HTR1F: variants seen among roughly 807,000 people sequenced by gnomAD.
The protein encoded by HTR1F is 5-hydroxytryptamine receptor 1F, also known as 5-hydroxytryptamine (serotonin) receptor 1F, G protein-coupled.
In HTR1F, 17 loss-of-function variants were observed where a neutral mutation model predicts 24.0. That is an observed-to-expected ratio of 0.71 (90% CI 0.48 to 1.06). The LOEUF (loss-of-function observed/expected upper bound fraction) is 1.06, where lower values mean the gene tolerates loss of function less well. Among genes scored for constraint, HTR1F ranks in the 50% least tolerant of loss-of-function variants. The pLI is 0.00. For missense variants in HTR1F, 391 were observed against 427.8 expected, an observed-to-expected ratio of 0.91 and a Z score of 0.76; for synonymous variants, 186 against 156.8, an observed-to-expected ratio of 1.19 and a Z score of -1.39.
At chr3:87,839,440 G>C (rs1205129175) in intron 2 of HTR1F, among the ~76,000 whole-genome samples, 1 of 152,056 alleles carries the variant, frequency 6.6e-6, no homozygotes, top group African/African-American at 2.4e-5. Flanking sequence ...CCAGTACCAT[G>C]CTGTTTTGAT....
At chr3:87,982,940 T>C (rs1705583060) in intron 2 of HTR1F, among the ~76,000 whole-genome samples, 1 of 148,606 alleles carries the variant, frequency 6.7e-6, no homozygotes, top group Non-Finnish European at 1.5e-5. Flanking sequence ...CTTGACTTGA[T>C]ACAATACATG....
chr3:87,811,580 A>G (rs1187676338), intron 1 of HTR1F, among the ~76,000 whole-genome samples: 1 of 152,196 alleles, frequency 6.6e-6, no homozygotes, highest in African/African-American at 2.4e-5. Context: ...TCCAAATGAA[A>G]GTGTTTTGAC....
intron 2 of HTR1F, among the ~76,000 whole-genome samples, chr3:87,895,841 A>G (rs1706185829): frequency 6.6e-6 from 1 of 152,180 alleles, no homozygotes; most frequent in Admixed American, 6.5e-5. Flanking sequence ...ATAACATTTG[A>G]TACAGGTAAG....
At chr3:87,941,701 G>A (rs976361675) in intron 2 of HTR1F, among the ~76,000 whole-genome samples, 5 of 152,136 alleles carry the variant, frequency 3.3e-5, no homozygotes, top group Non-Finnish European at 7.4e-5. Context: ...AGAATTGAGA[G>A]TCAGGATGTA....
At chr3:87,915,310 A>G (rs761624347) in intron 2 of HTR1F, among the ~76,000 whole-genome samples, 5 of 152,168 alleles carry the variant, frequency 3.3e-5, no homozygotes, top group African/African-American at 7.2e-5. Flanking sequence ...CACCCCCCAA[A>G]AAATCACACT....
intron 2 of HTR1F, among the ~76,000 whole-genome samples, chr3:87,831,715 T>C (rs1704584656): frequency 6.6e-6 from 1 of 152,140 alleles, no homozygotes; most frequent in African/African-American, 2.4e-5. Context: ...GTGCTATAGA[T>C]TATTATCCCA....
chr3:87,924,563 G>A (rs1190818216), intron 2 of HTR1F, among the ~76,000 whole-genome samples: 1 of 152,122 alleles, frequency 6.6e-6, no homozygotes, highest in Non-Finnish European at 1.5e-5. Flanking sequence ...GGCTGGCCTA[G>A]TGGTGACAAA....
chr3:87,909,101 A>G (rs1347690294), intron 2 of HTR1F, among the ~76,000 whole-genome samples: 1 of 151,974 alleles, frequency 6.6e-6, no homozygotes, highest in Non-Finnish European at 1.5e-5. Flanking sequence ...ATTCTAGCAA[A>G]TGAGATGTGA....
chr3:87,840,683 A>T (rs1704783591), intron 2 of HTR1F, among the ~76,000 whole-genome samples: 1 of 150,182 alleles, frequency 6.7e-6, no homozygotes, highest in African/African-American at 2.5e-5. Context: ...ATAGCTCAAT[A>T]TTGTTCATCA....
intron 2 of HTR1F, among the ~76,000 whole-genome samples, chr3:87,959,294 G>A (rs1037987876): frequency 6.6e-6 from 1 of 151,750 alleles, no homozygotes; most frequent in African/African-American, 2.4e-5. Context: ...TAATGAGACT[G>A]TGATGTATAA....
At chr3:87,871,412 G>T (rs893657490) in intron 2 of HTR1F, among the ~76,000 whole-genome samples, 1 of 151,928 alleles carries the variant, frequency 6.6e-6, no homozygotes, top group Admixed American at 6.6e-5. Flanking sequence ...GGACTTATGG[G>T]GTACTGTCAA....
chr3:87,927,150 A>T (rs1448740782), intron 2 of HTR1F, among the ~76,000 whole-genome samples: 1 of 152,154 alleles, frequency 6.6e-6, no homozygotes. Flanking sequence ...CCATGGTTAT[A>T]TGCCACAACT....
intron 2 of HTR1F, among the ~76,000 whole-genome samples, chr3:87,903,972 A>G (rs1251812051): frequency 6.6e-6 from 1 of 152,190 alleles, no homozygotes; most frequent in African/African-American, 2.4e-5. Flanking sequence ...TGGTTGCAAT[A>G]CATCTAGCTG....
rs750500923 is a variant in HTR1F, at chr3:87,991,497, T to C, written c.748T>C (p.Ser250Pro). The change falls in exon 3 of 3, where the codon TCT (serine) becomes CCT (proline). Residue 250 changes from serine to proline, a missense_variant. By Grantham distance (74) the Ser-to-Pro change is moderately conservative. Coordinates refer to ENST00000319595, the MANE Select transcript of HTR1F (RefSeq NM_001322209.2). ...TTCCACATCCTATGTACTAGAAAAG[T>C]CTTTATCTGACCCATCAACAGACTT... Reference protein sequence around the residue: ...SVSTSYVLEKSLSDPSTDFDK... With the variant: ...SVSTSYVLEKPLSDPSTDFDK... 3 of 1,613,946 alleles carry C rather than the reference T, an allele frequency of 1.9e-6. No individual in the cohort carries two copies. The East Asian group carries it at 6.7e-5, about 36-fold the overall frequency.
chr3:87,820,233 G>A (rs1370825394), intron 1 of HTR1F, among the ~76,000 whole-genome samples: 4 of 143,642 alleles, frequency 2.8e-5, no homozygotes, highest in Non-Finnish European at 6.0e-5. Context: ...CTGGAGTGCA[G>A]TGGCAGGATC....
chr3:87,912,859 A>G (rs576057418), intron 2 of HTR1F, among the ~76,000 whole-genome samples: 101 of 152,268 alleles, frequency 6.6e-4, no homozygotes, highest in Non-Finnish European at 1.1e-3. Flanking sequence ...TATTCAATAA[A>G]TTGTGCTGGA....
intron 2 of HTR1F, among the ~76,000 whole-genome samples, chr3:87,883,675 G>C (rs896929458): frequency 2.6e-5 from 4 of 152,138 alleles, no homozygotes; most frequent in African/African-American, 9.7e-5. Flanking sequence ...GAAAACCATG[G>C]CACGAGAACT....
chr3:87,944,899 C>T (rs551420245), intron 2 of HTR1F, among the ~76,000 whole-genome samples: 3 of 152,244 alleles, frequency 2.0e-5, no homozygotes, highest in Non-Finnish European at 2.9e-5. Context: ...CAGGCTATGC[C>T]GTTGTTTACA....
chr3:87,977,496 C>T (rs6789002), intron 2 of HTR1F, among the ~76,000 whole-genome samples: 66,251 of 149,774 alleles, frequency 0.44, 15,370 homozygotes, highest in African/African-American at 0.59. Context: ...CCTCCCGGGT[C>T]CACGCCATTC....
Sources: allele counts gnomAD v4.1 joint callset (sites outside exome capture counted in the v4.1 genomes callset), GRCh38; gene constraint gnomAD v4.1.1; transcripts MANE v1.5; gene names NCBI Gene and HGNC (gene_info 2026-07-23, HGNC 2026-07-21).